The following INPP4A variants were observed in gnomAD, a reference collection of about 807,000 sequenced individuals.
The protein encoded by INPP4A is inositol polyphosphate-4-phosphatase type I A.
INPP4A carries 33 observed loss-of-function variants against 119.8 expected under a neutral mutation model. That is an observed-to-expected ratio of 0.28 (90% CI 0.21 to 0.37). The LOEUF (loss-of-function observed/expected upper bound fraction) is 0.37. Among genes scored for constraint, INPP4A ranks in the 10% least tolerant of loss-of-function variants. INPP4A has a pLI of 1.00. For missense variants in INPP4A, 956 were observed against 1,289.9 expected, an observed-to-expected ratio of 0.74 and a Z score of 3.97; for synonymous variants, 496 against 500.7, an observed-to-expected ratio of 0.99 and a Z score of 0.12.
At chr2:98,559,576 G>C in intron 17 of INPP4A, 81 bp downstream of exon 17, 1 of 1,422,464 alleles carries the variant, frequency 7.0e-7, no homozygotes, top group Non-Finnish European at 9.8e-7. Context: ...AATTACAAAA[G>C]ATTGCCTTAT....
At chr2:98,474,172 C>T (rs1413863846) in intron 1 of INPP4A, among the ~76,000 whole-genome samples, 1 of 152,192 alleles carries the variant, frequency 6.6e-6, no homozygotes, top group African/African-American at 2.4e-5. Context: ...TTCAGCCTCC[C>T]ATTCTTTCCC....
At chr2:98,528,844 G>A (rs563031471) in intron 4 of INPP4A, among the ~76,000 whole-genome samples, 2 of 152,096 alleles carry the variant, frequency 1.3e-5, no homozygotes, top group African/African-American at 2.4e-5. Context: ...TTGGGAGGCC[G>A]AGGCAGGCAG....
At chr2:98,451,300 G>C (rs1019915610) in intron 1 of INPP4A, among the ~76,000 whole-genome samples, 11 of 152,176 alleles carry the variant, frequency 7.2e-5, no homozygotes, top group African/African-American at 2.4e-4. Flanking sequence ...GTTCAGTGAG[G>C]CTCACCTGGC....
At chr2:98,548,324 T>A (rs1186715739) in intron 13 of INPP4A, among the ~76,000 whole-genome samples, 1 of 152,214 alleles carries the variant, frequency 6.6e-6, no homozygotes, top group Admixed American at 6.5e-5. Context: ...CAGACCTGTC[T>A]TAGGATTTGC....
At chr2:98,555,129 C>T (rs1206207492) in intron 15 of INPP4A, among the ~76,000 whole-genome samples, 1 of 152,198 alleles carries the variant, frequency 6.6e-6, no homozygotes, top group Non-Finnish European at 1.5e-5. Flanking sequence ...CAAATCACTC[C>T]CAGACCTTCC....
chr2:98,464,608 G>A (rs1258574415), intron 1 of INPP4A, among the ~76,000 whole-genome samples: 1 of 152,160 alleles, frequency 6.6e-6, no homozygotes, highest in African/African-American at 2.4e-5. Context: ...GTCAGAACTC[G>A]GCACCAGCTT....
At chr2:98,549,375 T>C (rs1693077670) in intron 13 of INPP4A, among the ~76,000 whole-genome samples, 1 of 152,192 alleles carries the variant, frequency 6.6e-6, no homozygotes, top group Non-Finnish European at 1.5e-5. Flanking sequence ...TTACCTCTTA[T>C]ACAAATGAAG....
chr2:98,470,685 T>G lies in INPP4A; in HGVS notation c.-166+25600T>G, dbSNP rs1675821007. On this transcript the variant is annotated intron_variant, in intron 1 of 24. Transcript: ENST00000409851. ...TTTTTTTCTTTTTTTTTTTGTTTTTTGAGACGGAGTCTTGCTCTGTTGCCC... is the reference window on the plus strand; with the variant it reads ...TTTTTTTCTTTTTTTTTTTGTTTTTGGAGACGGAGTCTTGCTCTGTTGCCC... Among the ~76,000 whole-genome samples the G allele has an allele frequency of 2.6e-5, 4 of 152,224 alleles. No individual in the cohort carries two copies. In the South Asian group the frequency reaches 8.3e-4, roughly 32 times the overall value.
rs964398310 is a variant in INPP4A, at chr2:98,546,168, C to G, written c.1054+95C>G. On this transcript the variant is annotated intron_variant, in intron 12 of 24. Coordinates refer to ENST00000409851, the MANE Select transcript of INPP4A (RefSeq NM_001134225.2). This position sits in a 1 kb window ranked among gnomAD's most constrained non-coding sequence, Gnocchi z 4.2. ...GAGTACCCCACATCTGCCCATTTCC[C>G]TGTGTGCTCTGGGCGGCTCGGAGGA... 9 of 855,348 alleles carry G rather than the reference C, an allele frequency of 1.1e-5. No homozygotes were observed. Among genetic ancestry groups the G allele is most frequent in the Admixed American group, 4.3e-5 (2 of 46,384 alleles). The allele number at this position is 855,348 out of a possible 1,614,324, so 53.0% of individuals were successfully genotyped here.
At chr2:98,558,446 C>T (rs1392731725) in intron 16 of INPP4A, among the ~76,000 whole-genome samples, 3 of 152,212 alleles carry the variant, frequency 2.0e-5, no homozygotes, top group African/African-American at 7.2e-5. Context: ...TCTGGGTTAA[C>T]GAAGAGGTCG....
chr2:98,446,649 T>C (rs1694243183), intron 1 of INPP4A, among the ~76,000 whole-genome samples: 2 of 152,220 alleles, frequency 1.3e-5, no homozygotes, highest in South Asian at 2.1e-4. Context: ...GAGCTCCTTA[T>C]AGAATTAGTC....
intron 1 of INPP4A, among the ~76,000 whole-genome samples, chr2:98,497,878 G>T (rs1682345956): frequency 6.6e-6 from 1 of 152,142 alleles, no homozygotes; most frequent in African/African-American, 2.4e-5. Context: ...GGGACCGGTA[G>T]CCCCTTTATT....
At position 98,559,178 on chromosome 2, in the gene INPP4A, C is replaced by T. The variant is rs181134768; in HGVS notation, c.1823-285C>T. Among the ~76,000 whole-genome samples the T allele has an allele frequency of 3.4e-3, 519 of 152,330 alleles. 1 individual carries two copies. Among genetic ancestry groups the T allele is most frequent in the Non-Finnish European group, 5.3e-3 (358 of 68,036 alleles). On this transcript the variant is annotated intron_variant, in intron 16 of 24. Transcript: ENST00000409851. ...TTTATCACATTGTAATAAGCTAGAT[C>T]GCACATCCCGAAGAGCATTTTATGT... is the stretch of plus-strand genomic sequence containing the variant.
intron 17 of INPP4A, among the ~76,000 whole-genome samples, chr2:98,561,141 C>T (rs955746908): frequency 6.6e-6 from 1 of 152,186 alleles, no homozygotes; most frequent in Admixed American, 6.5e-5. Flanking sequence ...AAGCAAAGTA[C>T]GGATTTGAAA....
In INPP4A at chr2:98,536,155, C is replaced by G. The variant is rs1690234964; in HGVS notation, c.414C>G (p.Phe138Leu). The change falls in exon 7 of 25, where the codon TTC (phenylalanine) becomes TTG (leucine). Residue 138 changes from phenylalanine (F) to leucine (L), a missense_variant. Transcript: ENST00000409851. ...GTMYLLGSGT[F>L]IVKDLLQDRH... Reference sequence around the variant, plus strand: ...TGTATTTACTGGGCTCTGGAACGTTCATTGTCAAAGATCTGCTCCAGGACA... The same window carrying G: ...TGTATTTACTGGGCTCTGGAACGTTGATTGTCAAAGATCTGCTCCAGGACA... 6.2e-7 allele frequency: 1 copy of G among 1,611,788 alleles called. No individual in the cohort carries two copies. Among genetic ancestry groups the G allele is most frequent in the East Asian group, 2.2e-5 (1 of 44,872 alleles).
chr2:98,463,214 G>A (rs915837812), intron 1 of INPP4A, among the ~76,000 whole-genome samples: 6 of 152,200 alleles, frequency 3.9e-5, no homozygotes, highest in South Asian at 2.1e-4. Context: ...CCAGTTTCAG[G>A]TACATTGGCT....
intron 1 of INPP4A, among the ~76,000 whole-genome samples, chr2:98,497,083 T>C (rs1289531461): frequency 6.6e-6 from 1 of 152,224 alleles, no homozygotes; most frequent in Non-Finnish European, 1.5e-5. Context: ...CTTGGTGCCC[T>C]GTGTCCCAGC....
In INPP4A at chr2:98,593,498, T is replaced by C. The variant is rs993434616; in HGVS notation, c.*5890T>C. 1.3e-5 allele frequency: 2 copies of C among 152,282 alleles called. No individual in the cohort carries two copies. The highest frequency in any genetic ancestry group is 4.8e-5 in the African/African-American group (2 of 41,450). The allele number at this position is 152,282 out of a possible 1,614,324, so 9.4% of individuals were successfully genotyped here. A position where few individuals can be genotyped will look rare whatever the true frequency, so the allele number is the denominator to read the frequency against. The stretch of plus-strand genomic sequence containing the variant: ...CCTTTCTCACTTAAGATGATCTTCC[T>C]GAAAAATCTTACACATTCCTGTTGA... On this transcript the variant is annotated 3_prime_UTR_variant, in exon 25 of 25. Transcript: ENST00000409851.
At chr2:98,580,923 C>T (rs1350928016) in intron 24 of INPP4A, among the ~76,000 whole-genome samples, 2 of 152,218 alleles carry the variant, frequency 1.3e-5, no homozygotes, top group Non-Finnish European at 2.9e-5. Flanking sequence ...TTGGATTCCA[C>T]CCTTGGGGAT....
Sources: gnomAD v4.1 joint callset for allele counts (sites outside exome capture counted in the v4.1 genomes callset) on GRCh38, gnomAD v4.1.1 for gene constraint, Gnocchi (gnomAD v3.1) non-coding constraint, MANE v1.5 for transcripts, NCBI Gene and HGNC (gene_info 2026-07-23, HGNC 2026-07-21) for gene names.